The following MYL3 variants were observed in gnomAD, a reference collection of about 807,000 sequenced individuals.
MYL3 encodes myosin light chain 3, also known as CMLC1.
A neutral mutation model predicts 21.3 loss-of-function variants in MYL3; 11 were observed. The ratio of observed to expected loss-of-function variants is 0.52; its 90% CI spans 0.32 to 0.85. The LOEUF (loss-of-function observed/expected upper bound fraction) is 0.85, where lower values mean the gene tolerates loss of function less well. Among genes scored for constraint, MYL3 ranks in the 40% least tolerant of loss-of-function variants. MYL3 has a pLI of 0.03. For missense variants in MYL3, 206 were observed against 253.3 expected (o/e 0.81, Z 1.27); for synonymous variants, 88 against 91.6 (o/e 0.96, Z 0.22).
At chr3:46,868,117 A>G (rs564964221), upstream of MYL3, among the ~76,000 whole-genome samples, 281 of 152,338 alleles carry the variant, frequency 1.8e-3, 1 homozygote, top group Middle Eastern at 0.01. Flanking sequence ...CTTCCCAGCA[A>G]AGCCGCTCTG....
At chr3:46,868,768 C>A (rs184889211) in intron 1 of MYL3, among the ~76,000 whole-genome samples, 127 of 152,320 alleles carry the variant, frequency 8.3e-4, no homozygotes, top group South Asian at 7.7e-3. Context: ...GGGGCCTGGA[C>A]TGGGGGACCT....
chr3:46,872,862 C>A (rs2029993633), intron 1 of MYL3, among the ~76,000 whole-genome samples: 1 of 152,228 alleles, frequency 6.6e-6, no homozygotes, highest in Non-Finnish European at 1.5e-5. Flanking sequence ...AGCGTTCCAA[C>A]AATGAAGGGA....
At chr3:46,862,463 G>T (rs913198875) in intron 1 of MYL3, among the ~76,000 whole-genome samples, 1 of 152,184 alleles carries the variant, frequency 6.6e-6, no homozygotes, top group Non-Finnish European at 1.5e-5. Context: ...CCGATGGAAT[G>T]TAGGTCCTGC....
In MYL3 at chr3:46,868,493, C is replaced by T. The variant is rs371745350; in HGVS notation, c.-217-1893G>A. Among the ~76,000 whole-genome samples the T allele has an allele frequency of 1.6e-4, 24 of 152,312 alleles. No homozygotes were observed. In the South Asian group the frequency reaches 4.6e-3, roughly 29 times the overall value. On this transcript the variant is annotated intron_variant, in intron 1 of 3. Transcript: ENST00000431168. ...TAGGGGTGGGGGTGGCAGGGCCCAG[C>T]GGGCTGGCAGGCAAACCCTGGTTTT...
Position 46,861,605 on chromosome 3 carries a change from G to A in MYL3, c.130-618C>T, listed in dbSNP as rs1218060757. On this transcript the variant is annotated intron_variant, in intron 1 of 6. Coordinates refer to ENST00000292327, the MANE Select transcript of MYL3 (RefSeq NM_000258.3). The surrounding 1 kb of genome is among the most constrained non-coding windows in gnomAD (Gnocchi z 4.2). ...TACCTATTTCTCACACACCCTGTCC[G>A]TAGGTCCCTGGGAAGCTCCCACACC... Among the ~76,000 whole-genome samples, 2 of 152,162 alleles carry A rather than the reference G, an allele frequency of 1.3e-5. No homozygotes were observed. The highest frequency in any genetic ancestry group is 6.5e-5 in the Admixed American group (1 of 15,274).
upstream of MYL3, among the ~76,000 whole-genome samples, chr3:46,865,338 TG>T (rs1456678223): frequency 1.5e-5 from 2 of 131,674 alleles, no homozygotes; most frequent in African/African-American, 5.8e-5. The surrounding 1 kb of genome is among the most constrained non-coding windows in gnomAD (Gnocchi z 4.3). Context: ...AAGAAAGGGG[TG>T]GGGGGATGGT....
chr3:46,863,615 G>A (rs1038066638), upstream of MYL3: 1 of 544,308 alleles, frequency 1.8e-6, no homozygotes. Flanking sequence ...TAGTGGAGGA[G>A]GGATCTCCAT....
chr3:46,869,126 C>G (rs572244159), intron 1 of MYL3, among the ~76,000 whole-genome samples: 112 of 152,346 alleles, frequency 7.4e-4, no homozygotes, highest in Middle Eastern at 3.4e-3. Flanking sequence ...GCCCCTCCCC[C>G]CACAGCATGG....
chr3:46,867,734 A>G (rs1195094879), upstream of MYL3, among the ~76,000 whole-genome samples: 1 of 152,200 alleles, frequency 6.6e-6, no homozygotes, highest in Non-Finnish European at 1.5e-5. Flanking sequence ...AGGAGTCGAG[A>G]ACACGGCCTG....
In MYL3 at chr3:46,870,920, A is replaced by G. The variant is rs564459407; in HGVS notation, c.-217-4320T>C. The stretch of plus-strand genomic sequence containing the variant: ...ATCCTGGCCCAAGGGAGCTTGGGCC[A>G]AGAGCAGGCACGCTGTACCACACAC... On this transcript the variant is annotated intron_variant, in intron 1 of 3. Transcript: ENST00000431168. Among the ~76,000 whole-genome samples the G allele has an allele frequency of 7.9e-5, 12 of 152,324 alleles. No homozygotes were observed. The South Asian group carries it at 2.5e-3, about 32-fold the overall frequency.
At position 46,859,436 on chromosome 3, in the gene MYL3, C is replaced by T. The variant is rs1206611001; in HGVS notation, c.481+39G>A. On this transcript the variant is annotated intron_variant, in intron 4 of 6. Coordinates refer to ENST00000292327, the MANE Select transcript of MYL3 (RefSeq NM_000258.3). This position sits in a 1 kb window ranked among gnomAD's most constrained non-coding sequence, Gnocchi z 4.1. ...ACAGAGTGGTTTCTCCCAGGATGTCCCTGGAAGGAGTTGGGGTAGGGGAGG... is the reference window on the plus strand; with the variant it reads ...ACAGAGTGGTTTCTCCCAGGATGTCTCTGGAAGGAGTTGGGGTAGGGGAGG... 5 of 1,613,254 alleles carry T rather than the reference C, an allele frequency of 3.1e-6. No individual in the cohort carries two copies. The African/African-American group carries it at 6.7e-5, about 22-fold the overall frequency.
rs953115947 is a variant in MYL3, at chr3:46,857,942, C to T, written c.*173G>A. The T allele has an allele frequency of 1.2e-5, 6 of 517,366 alleles. No individual in the cohort carries two copies. Among genetic ancestry groups the T allele is most frequent in the Non-Finnish European group, 1.8e-5 (5 of 284,044 alleles). 32.0% of individuals were successfully genotyped at this position (517,366 alleles called of 1,614,324 possible). Reference sequence around the variant, plus strand: ...GGACAGAGCTGCTGTCACAGGTAAGCACAGCCTGAGAGGGGCCAGAGACGG... The same window carrying T: ...GGACAGAGCTGCTGTCACAGGTAAGTACAGCCTGAGAGGGGCCAGAGACGG... On this transcript the variant is annotated 3_prime_UTR_variant, in exon 7 of 7. Transcript: ENST00000292327. The surrounding 1 kb of genome is among the most constrained non-coding windows in gnomAD (Gnocchi z 5.0).
intron 1 of MYL3, among the ~76,000 whole-genome samples, chr3:46,868,610 G>T (rs768204293): frequency 6.6e-6 from 1 of 152,192 alleles, no homozygotes; most frequent in South Asian, 2.1e-4. Flanking sequence ...TGTGGCCACG[G>T]CCGCTATATT....
chr3:46,875,780 C>G (rs1414193030), intron 1 of MYL3, among the ~76,000 whole-genome samples: 1 of 152,236 alleles, frequency 6.6e-6, no homozygotes, highest in Non-Finnish European at 1.5e-5. Flanking sequence ...CGGCATCCAG[C>G]CTTGGCATCC....
Position 46,858,290 on chromosome 3 carries a change from G to A in MYL3, c.560-18C>T. The A allele has an allele frequency of 6.2e-7, 1 of 1,614,170 alleles. No individual in the cohort carries two copies. The highest frequency in any genetic ancestry group is 8.5e-7 in the Non-Finnish European group (1 of 1,180,012). ...CACAAATGCTGGAAAGAAGAGGAGA[G>A]TGAGTGGCAGGAGTGCAACATGGGG... On this transcript the variant is annotated intron_variant, in intron 5 of 6. Coordinates refer to ENST00000292327, the MANE Select transcript of MYL3 (RefSeq NM_000258.3).
upstream of MYL3, among the ~76,000 whole-genome samples, chr3:46,866,924 C>T (rs772829343): frequency 2.0e-5 from 3 of 152,182 alleles, no homozygotes; most frequent in Non-Finnish European, 4.4e-5. Flanking sequence ...GATCAGCCAG[C>T]AGGGGGCGCA....
chr3:46,872,643 C>A lies in MYL3; in HGVS notation c.-217-6043G>T, dbSNP rs116368827. The stretch of plus-strand genomic sequence containing the variant: ...GAGGACATGCCAGTCTCCCCACTCC[C>A]ATGGTCTCACAGCAGCAGCTGCAGG... On this transcript the variant is annotated intron_variant, in intron 1 of 3. Transcript: ENST00000431168. 6.0e-3 allele frequency among the ~76,000 whole-genome samples: 909 copies of A among 152,366 alleles called. 6 individuals are homozygous for A. Among genetic ancestry groups the A allele is most frequent in the African/African-American group, 0.021 (860 of 41,582 alleles).
chr3:46,870,547 C>T (rs1702099446), intron 1 of MYL3, among the ~76,000 whole-genome samples: 1 of 152,030 alleles, frequency 6.6e-6, no homozygotes, highest in Admixed American at 6.5e-5. Context: ...CCTCCAGTGG[C>T]CATACAAAAA....
upstream of MYL3, among the ~76,000 whole-genome samples, chr3:46,864,857 G>A (rs778900006): frequency 5.3e-5 from 8 of 152,238 alleles, no homozygotes; most frequent in Admixed American, 2.0e-4. This position sits in a 1 kb window ranked among gnomAD's most constrained non-coding sequence, Gnocchi z 4.7. Context: ...GGGGAGGTGG[G>A]AGGGCTGAGG....
Sources: allele counts gnomAD v4.1 joint callset (sites outside exome capture counted in the v4.1 genomes callset), GRCh38; gene constraint gnomAD v4.1.1; non-coding constraint Gnocchi (gnomAD v3.1); transcripts MANE v1.5; gene names NCBI Gene and HGNC (gene_info 2026-07-23, HGNC 2026-07-21).